The following BBS1 variants were observed in gnomAD, a reference collection of about 807,000 sequenced individuals.
BBS1 encodes Bardet-Biedl syndrome 1.
Under a neutral mutation model 73.9 loss-of-function variants are expected in BBS1, and 60 were observed. That is an observed-to-expected ratio of 0.81 (90% confidence interval 0.66 to 1.01). The LOEUF is 1.01. BBS1 is among the 50% of genes least tolerant of loss of function. The pLI is 0.00. For synonymous variants in BBS1, 283 were observed against 317.4 expected (o/e 0.89, Z 1.15); for missense variants, 718 against 770.3 (o/e 0.93, Z 0.80).
chr11:66,515,853 G>T lies in BBS1; in HGVS notation c.519-8G>T, dbSNP rs1856038573. 6.2e-7 allele frequency: 1 copy of T among 1,614,102 alleles called. No individual in the cohort carries two copies. Among genetic ancestry groups the T allele is most frequent in the Admixed American group, 1.7e-5 (1 of 59,994 alleles). ...GGGCCTGCAGATGCCAGTTCTCTGT[G>T]TGTCTAGGTTTCTGCAGCTGGAGCT... On this transcript the variant is annotated splice_polypyrimidine_tract_variant and splice_region_variant and intron_variant, in intron 6 of 16. Coordinates refer to ENST00000318312, the MANE Select transcript of BBS1 (RefSeq NM_024649.5).
intron 11 of BBS1, 34 bp from the exon 12 acceptor site, chr11:66,526,089 A>G (rs1345122442): frequency 6.2e-7 from 1 of 1,610,572 alleles, no homozygotes; most frequent in South Asian, 1.1e-5. Flanking sequence ...TCTCCAAGAT[A>G]TTTCCCCAAC....
chr11:66,518,762 T>TC (rs1348376306), intron 7 of BBS1, among the ~76,000 whole-genome samples: 2 of 150,420 alleles, frequency 1.3e-5, no homozygotes, highest in African/African-American at 2.5e-5. Context: ...CTTTTCTTTT[T>TC]TTTTTTTTTT....
In BBS1 at chr11:66,519,735, C is replaced by T; in HGVS notation, c.710C>T (p.Thr237Ile). The T allele has an allele frequency of 6.2e-7, 1 of 1,613,460 alleles. No individual in the cohort carries two copies. Among genetic ancestry groups the T allele is most frequent in the Non-Finnish European group, 8.5e-7 (1 of 1,179,938 alleles). ...CTGGTGCTTGACCCCGAGGCCTTCA[C>T]CATTTTAGCCAAGGTCAGCGTCAGG... ...ELLVLDPEAF[T>I]ILAKMSLPSV... Residue 237 changes from threonine to isoleucine, a missense_variant, in exon 8 of 17, where the codon ACC (threonine) becomes ATC (isoleucine). Physicochemically the swap from Thr to Ile is moderately conservative, Grantham distance 89 (BLOSUM62 -1). Transcript: ENST00000318312.
chr11:66,521,631 C>T (rs1406791115), intron 9 of BBS1: 4 of 476,942 alleles, frequency 8.4e-6, no homozygotes, highest in African/African-American at 5.9e-5. Flanking sequence ...ACAGGCTGGG[C>T]GCTGTGGCTC....
chr11:66,527,902 G>T (rs1856590575), intron 13 of BBS1, among the ~76,000 whole-genome samples: 3 of 152,076 alleles, frequency 2.0e-5, no homozygotes, highest in Admixed American at 2.0e-4. Context: ...GCAGGGCAGG[G>T]TAATATAGGC....
chr11:66,513,061 A>G (rs1397721506), intron 3 of BBS1, among the ~76,000 whole-genome samples: 1 of 152,100 alleles, frequency 6.6e-6, no homozygotes, highest in Non-Finnish European at 1.5e-5. Context: ...CTAGTCCAGT[A>G]CCTGACATAA....
At chr11:66,511,158 A>C (rs1461371465) in intron 2 of BBS1, 47 bp from the exon 3 acceptor site, 2 of 1,614,028 alleles carry the variant, frequency 1.2e-6, no homozygotes, top group Non-Finnish European at 1.7e-6. Flanking sequence ...CCTGTAGTGA[A>C]GCCTCTGGGA....
rs1340281217 is a variant in BBS1, at chr11:66,530,085, C to T, written c.1473+133C>T. The T allele has an allele frequency of 8.4e-6, 11 of 1,313,738 alleles. No individual in the cohort carries two copies. The African/African-American group carries it at 1.0e-4, about 12-fold the overall frequency. 81.4% of individuals were successfully genotyped at this position (1,313,738 alleles called of 1,614,324 possible). The stretch of plus-strand genomic sequence containing the variant: ...CAGCCCGTGCTCCCCATCACCTTCC[C>T]GCAGACCTGGGGACCGAGTCTCATG... On this transcript the variant is annotated intron_variant, in intron 14 of 16. Transcript: ENST00000318312.
At position 66,526,125 on chromosome 11, in the gene BBS1, T is replaced by C; in HGVS notation, c.1113T>C (p.Asp371=). ...KALLNVIHTP[D]AVTSLCFGRY... Reference sequence around the variant, plus strand: ...TAAACTCTGACGTCTCCACATAGGATGCAGTGACCAGCCTTTGCTTTGGCC... The same window carrying C: ...TAAACTCTGACGTCTCCACATAGGACGCAGTGACCAGCCTTTGCTTTGGCC... The change falls in exon 12 of 17, where the codon GAT becomes GAC. Residue 371 remains aspartate, a splice_region_variant and synonymous_variant. Coordinates refer to ENST00000318312, the MANE Select transcript of BBS1 (RefSeq NM_024649.5). 1 of 1,614,204 alleles carries C rather than the reference T, an allele frequency of 6.2e-7. No individual in the cohort carries two copies.
intron 1 of BBS1, 64 bp from the exon 2 acceptor site, chr11:66,510,949 C>T (rs1855928372): frequency 6.4e-7 from 1 of 1,565,728 alleles, no homozygotes; most frequent in Non-Finnish European, 8.8e-7. Context: ...GTACCAGCTT[C>T]CTCAAAGTTT....
At chr11:66,516,061 A>G in intron 7 of BBS1, 128 bp downstream of exon 7, 8 of 845,746 alleles carry the variant, frequency 9.5e-6, no homozygotes, top group East Asian at 2.9e-5. Context: ...CCTTCCAGCC[A>G]TGCCATGTGT....
chr11:66,520,115 G>A (rs139622960), intron 8 of BBS1, among the ~76,000 whole-genome samples: 5,967 of 152,248 alleles, frequency 0.039, 166 homozygotes, highest in Middle Eastern at 0.071. Flanking sequence ...AGCTATGATT[G>A]TGGCACTGCA....
chr11:66,514,743 C>T, intron 4 of BBS1, 65 bp downstream of exon 4: 2 of 1,580,156 alleles, frequency 1.3e-6, no homozygotes, highest in East Asian at 4.5e-5. Flanking sequence ...GTGAAGAGGG[C>T]TGGGCTCCTG....
chr11:66,510,870 G>T, intron 1 of BBS1, 143 bp from the exon 2 acceptor site: 1 of 1,357,052 alleles, frequency 7.4e-7, no homozygotes, highest in Non-Finnish European at 1.1e-6. Context: ...TCTGGAGGTC[G>T]CTCGGTGAGC....
chr11:66,531,819 C>T (rs775322610), intron 16 of BBS1, 77 bp downstream of exon 16: 2 of 1,612,678 alleles, frequency 1.2e-6, no homozygotes, highest in Non-Finnish European at 1.7e-6. Flanking sequence ...CCAACAAAGA[C>T]CTTAGGGGGC....
chr11:66,513,140 C>T (rs894196879), intron 3 of BBS1, among the ~76,000 whole-genome samples: 6 of 151,110 alleles, frequency 4.0e-5, no homozygotes, highest in African/African-American at 9.7e-5. Flanking sequence ...GAAAGTATTA[C>T]GGGAGCGCCA....
chr11:66,526,867 C>A, intron 13 of BBS1, 60 bp downstream of exon 13: 1 of 1,613,938 alleles, frequency 6.2e-7, no homozygotes, highest in Non-Finnish European at 8.5e-7. Context: ...CACAGCAAAG[C>A]TGGGGGAATG....
intron 4 of BBS1, 99 bp from the exon 5 acceptor site, chr11:66,515,441 C>A: frequency 7.4e-7 from 1 of 1,346,376 alleles, no homozygotes; most frequent in Non-Finnish European, 1.1e-6. Context: ...GAGGCAGAGA[C>A]CAAGAGGTAC....
At position 66,523,811 on chromosome 11, in the gene BBS1, A is replaced by G; in HGVS notation, c.1039A>G (p.Met347Val). The change falls in exon 11 of 17, where the codon ATG (methionine) becomes GTG (valine). Residue 347 changes from methionine (M) to valine (V), a missense_variant. Physicochemically the swap from Met to Val is conservative, Grantham distance 21. Transcript: ENST00000318312. The stretch of plus-strand genomic sequence containing the variant: ...GCATTCCCGGGGCCTGCAGGCCGTC[A>G]TGGCTGGGCTGGCCAATGGAGAGGT... The part of the protein sequence containing the change: ...EQHSRGLQAV[M>V]AGLANGEVRI... The G allele has an allele frequency of 6.2e-7, 1 of 1,613,670 alleles. No individual in the cohort carries two copies. The highest frequency in any genetic ancestry group is 8.5e-7 in the Non-Finnish European group (1 of 1,180,028).
Sources: allele counts gnomAD v4.1 joint callset (sites outside exome capture counted in the v4.1 genomes callset), GRCh38; gene constraint gnomAD v4.1.1; transcripts MANE v1.5; gene names NCBI Gene and HGNC (gene_info 2026-07-23, HGNC 2026-07-21).